Variants in GABRA5 observed in about 807,000 individuals in gnomAD.
GABRA5 encodes the protein gamma-aminobutyric acid type A receptor subunit alpha5, also known as gamma-aminobutyric acid receptor subunit alpha-5.
Under a neutral mutation model 47.3 loss-of-function variants are expected in GABRA5, and 18 were observed. The observed-to-expected ratio is 0.38, with a 90% CI of 0.26 to 0.56. The LOEUF is 0.56. Among genes scored for constraint, GABRA5 ranks in the 20% least tolerant of loss-of-function variants. The pLI is 0.71. For synonymous variants in GABRA5, 237 were observed against 229.3 expected (o/e 1.03, Z -0.30); for missense variants, 365 against 599.3 (o/e 0.61, Z 4.08).
intron 4 of GABRA5, among the ~76,000 whole-genome samples, chr15:26,882,767 T>C (rs902185432): frequency 5.9e-5 from 9 of 152,098 alleles, no homozygotes; most frequent in Non-Finnish European, 1.3e-4. Flanking sequence ...TGTCTGATGC[T>C]TTTTAAAGCC....
chr15:26,883,660 G>A lies in GABRA5; in HGVS notation c.497+103G>A. On this transcript the variant is annotated intron_variant, in intron 6 of 10. Transcript: ENST00000335625. This position sits in a 1 kb window ranked among gnomAD's most constrained non-coding sequence, Gnocchi z 4.8. ...GCGCCGCGGAGCTGTTCTGACCATA[G>A]GTCTGAGACTGCGGCGCGTGTGTGC... 1 of 917,664 alleles carries A rather than the reference G, an allele frequency of 1.1e-6. No homozygotes were observed. Among genetic ancestry groups the A allele is most frequent in the Non-Finnish European group, 1.6e-6 (1 of 635,058 alleles). 56.8% of individuals were successfully genotyped at this position (917,664 alleles called of 1,614,324 possible).
chr15:26,906,565 T>C (rs1893449489), intron 6 of GABRA5, among the ~76,000 whole-genome samples: 1 of 152,230 alleles, frequency 6.6e-6, no homozygotes, highest in Non-Finnish European at 1.5e-5. Flanking sequence ...TCATTATGTA[T>C]ACCTTTCCTC....
chr15:26,888,096 G>T (rs1892922783), intron 6 of GABRA5, among the ~76,000 whole-genome samples: 1 of 152,182 alleles, frequency 6.6e-6, no homozygotes, highest in Non-Finnish European at 1.5e-5. Flanking sequence ...AAAAAGCTGA[G>T]GGAATGTATG....
At chr15:26,900,784 T>C (rs1040312692) in intron 6 of GABRA5, among the ~76,000 whole-genome samples, 2 of 152,090 alleles carry the variant, frequency 1.3e-5, no homozygotes, top group African/African-American at 4.8e-5. Context: ...AAAATTATAA[T>C]GACATGTACT....
intron 4 of GABRA5, among the ~76,000 whole-genome samples, chr15:26,882,466 C>A (rs1892752560): frequency 6.6e-6 from 1 of 152,180 alleles, no homozygotes; most frequent in Non-Finnish European, 1.5e-5. Context: ...TGAATTGCTT[C>A]CTACTCATGA....
At chr15:26,924,025 C>T (rs1180193970) in intron 7 of GABRA5, among the ~76,000 whole-genome samples, 1 of 151,876 alleles carries the variant, frequency 6.6e-6, no homozygotes, top group Non-Finnish European at 1.5e-5. Flanking sequence ...GCTTTAAAAA[C>T]ATCTTTGTCC....
At chr15:26,926,464 G>A (rs1383482508) in intron 7 of GABRA5, among the ~76,000 whole-genome samples, 1 of 152,100 alleles carries the variant, frequency 6.6e-6, no homozygotes, top group African/African-American at 2.4e-5. Context: ...TATATACAGA[G>A]ATTAAGATAT....
Position 26,937,423 on chromosome 15 carries a change from G to A in GABRA5, c.724+95G>A, listed in dbSNP as rs569072408. 162 of 1,324,860 alleles carry A rather than the reference G, an allele frequency of 1.2e-4. 1 individual carries two copies. The African/African-American group carries it at 2.0e-3, about 17-fold the overall frequency. The allele number at this position is 1,324,860 out of a possible 1,614,324, so 82.1% of individuals were successfully genotyped here. On this transcript the variant is annotated intron_variant, in intron 8 of 10. Transcript: ENST00000335625. ...CCCAGCACCTCTCTGCAGGGGCCAC[G>A]TGGGAGGCCGCACAGCAGCCTCCCA...
chr15:26,872,890 A>G (rs8042104), intron 3 of GABRA5, among the ~76,000 whole-genome samples: 32,636 of 152,120 alleles, frequency 0.21, 3,558 homozygotes, highest in East Asian at 0.27. Context: ...ATTATATAGG[A>G]TAACTGATAT....
chr15:26,919,105 T>C (rs1893782821), intron 7 of GABRA5, among the ~76,000 whole-genome samples: 1 of 152,142 alleles, frequency 6.6e-6, no homozygotes, highest in South Asian at 2.1e-4. Flanking sequence ...TTTACCCCAC[T>C]GCACTCCAGC....
chr15:26,895,826 A>AAAAAAAAAAAAAGAAG (rs1458730535), intron 6 of GABRA5, among the ~76,000 whole-genome samples: 12 of 136,014 alleles, frequency 8.8e-5, no homozygotes, highest in African/African-American at 3.2e-4. Flanking sequence ...AAAAAAAAAA[A>AAAAAAAAAAAAAGAAG]AAGAAGAAGA....
At chr15:26,935,594 T>A (rs181644426) in intron 7 of GABRA5, among the ~76,000 whole-genome samples, 183 of 152,314 alleles carry the variant, frequency 1.2e-3, no homozygotes, top group African/African-American at 4.2e-3. Flanking sequence ...GGAGGAGCCA[T>A]CAGTGACTGT....
chr15:26,909,169 C>T (rs892217005), intron 6 of GABRA5, among the ~76,000 whole-genome samples: 4 of 152,158 alleles, frequency 2.6e-5, no homozygotes, highest in African/African-American at 9.7e-5. Flanking sequence ...CTCTCCCAGC[C>T]TCTGGAGGGG....
At chr15:26,942,854 T>G (rs1233335645) in intron 9 of GABRA5, among the ~76,000 whole-genome samples, 1 of 152,028 alleles carries the variant, frequency 6.6e-6, no homozygotes, top group East Asian at 1.9e-4. Context: ...GAGGCCGAGG[T>G]GGGTGGATCG....
intron 6 of GABRA5, among the ~76,000 whole-genome samples, chr15:26,890,501 T>TGAATTCCCAAG (rs1432652522): frequency 1.3e-5 from 2 of 149,748 alleles, no homozygotes; most frequent in Admixed American, 1.3e-4. Flanking sequence ...AATTGAGCCT[T>TGAATTCCCAAG]GTTCCCAAGG....
At chr15:26,929,527 T>G (rs113195025) in intron 7 of GABRA5, among the ~76,000 whole-genome samples, 2,164 of 152,322 alleles carry the variant, frequency 0.014, 31 homozygotes, top group Middle Eastern at 0.024. Context: ...CCTGCCCCTG[T>G]AGCAGCTTAT....
chr15:26,891,630 G>A (rs1047994906), intron 6 of GABRA5, among the ~76,000 whole-genome samples: 3 of 152,174 alleles, frequency 2.0e-5, no homozygotes, highest in African/African-American at 7.2e-5. Flanking sequence ...GCACGTTTAG[G>A]GAAGACAAAG....
chr15:26,946,544 T>C (rs1325042886), intron 10 of GABRA5, among the ~76,000 whole-genome samples: 4 of 152,104 alleles, frequency 2.6e-5, no homozygotes, highest in African/African-American at 7.2e-5. Context: ...TAGCTTACTG[T>C]TTTATTCCTT....
chr15:26,891,420 A>G (rs145342878), intron 6 of GABRA5, among the ~76,000 whole-genome samples: 3,049 of 152,324 alleles, frequency 0.02, 51 homozygotes, highest in Non-Finnish European at 0.027. Context: ...GATAATGTCC[A>G]AGTGCCAAAC....
Sources: allele counts gnomAD v4.1 joint callset (sites outside exome capture counted in the v4.1 genomes callset), GRCh38; gene constraint gnomAD v4.1.1; non-coding constraint Gnocchi (gnomAD v3.1); transcripts MANE v1.5; gene names NCBI Gene and HGNC (gene_info 2026-07-23, HGNC 2026-07-21).